The following SGMS2 variants were observed in gnomAD, a reference collection of about 807,000 sequenced individuals.
SGMS2 encodes the protein sphingomyelin synthase 2.
In SGMS2, 21 loss-of-function variants were observed where a neutral mutation model predicts 43.8. The ratio of observed to expected loss-of-function variants is 0.48; its 90% confidence interval spans 0.34 to 0.69. The LOEUF is 0.69. Ranked by LOEUF, SGMS2 falls within the 30% of genes least tolerant of loss-of-function variation. The pLI is 0.01. For synonymous variants in SGMS2, 167 were observed against 160.6 expected, an observed-to-expected ratio of 1.04 and a Z score of -0.30; for missense variants, 384 against 443.2, an observed-to-expected ratio of 0.87 and a Z score of 1.20.
chr4:107,873,864 T>C (rs138159800), intron 2 of SGMS2: 1 of 152,262 alleles, frequency 6.6e-6, no homozygotes, highest in Non-Finnish European at 1.5e-5. Context: ...AGTTTTACTT[T>C]TACAGAACAT....
rs1223602636 is a variant in SGMS2 at position 107,903,357 on chromosome 4, T to C, written c.698T>C (p.Leu233Pro). 6.2e-7 allele frequency: 1 copy of C among 1,614,004 alleles called. No individual in the cohort carries two copies. The highest frequency in any genetic ancestry group is 1.7e-5 in the Admixed American group (1 of 59,992). The change falls in exon 5 of 7, where the codon CTG (leucine) becomes CCG (proline). Residue 233 changes from leucine to proline, a missense_variant. By Grantham distance (98) the Leu-to-Pro change is moderately conservative. Coordinates refer to ENST00000690982, the MANE Select transcript of SGMS2 (RefSeq NM_001375905.1). The part of the protein sequence containing the change: ...DFLFSGHTVT[L>P]TLTYLFIKEY... ...CTCTTCAGCGGTCACACGGTTACGC[T>C]GACACTGACTTATTTGTTCATCAAA...
chr4:107,837,523 G>T (rs2125993369), intron 1 of SGMS2, among the ~76,000 whole-genome samples: 1 of 152,294 alleles, frequency 6.6e-6, no homozygotes, highest in East Asian at 1.9e-4. Flanking sequence ...AGAGATGGGT[G>T]TGGCGAGGCA....
chr4:107,852,732 G>C (rs1208818411), intron 1 of SGMS2, among the ~76,000 whole-genome samples: 1 of 145,034 alleles, frequency 6.9e-6, no homozygotes, highest in Admixed American at 7.2e-5. Context: ...CTTATTATTG[G>C]ACACTTGTTT....
intron 2 of SGMS2, among the ~76,000 whole-genome samples, chr4:107,877,334 A>C (rs1282204534): frequency 1.3e-5 from 2 of 152,160 alleles, no homozygotes. Flanking sequence ...AACACCTCTC[A>C]CTTCAATAGG....
Position 107,895,658 on chromosome 4 carries a change from C to G in SGMS2, c.105C>G (p.Asn35Lys). 1 of 1,613,914 alleles carries G rather than the reference C, an allele frequency of 6.2e-7. No individual in the cohort carries two copies. The highest frequency in any genetic ancestry group is 8.5e-7 in the Non-Finnish European group (1 of 1,179,916). The change falls in exon 3 of 7, where the codon AAC becomes AAG. Residue 35 changes from asparagine to lysine, a missense_variant. Asn to Lys is a moderately conservative substitution (Grantham distance 94, BLOSUM62 0). Transcript: ENST00000690982. ...ARPAEPVEEE[N>K]KNGNGKPKSL... is the part of the protein sequence containing the mutation. ...CCGCTGAACCTGTTGAAGAAGAAAA[C>G]AAAAATGGCAATGGTAAACCCAAGA...
At chr4:107,835,941 C>T (rs116252621) in intron 1 of SGMS2, among the ~76,000 whole-genome samples, 4,321 of 152,198 alleles carry the variant, frequency 0.028, 119 homozygotes, top group Non-Finnish European at 0.04. Context: ...ATAACATGAG[C>T]CATACATGAT....
chr4:107,895,917 G>A lies in SGMS2; in HGVS notation c.364G>A (p.Asp122Asn), dbSNP rs1239924860. The change falls in exon 3 of 7, where the codon GAT becomes AAT. Residue 122 changes from aspartate (D) to asparagine (N), a missense_variant. Transcript: ENST00000690982. ...CCCAGACAAGTTTTTTGATTACATT[G>A]ATAGGGTGAAATGGGCATTTTCTGT... ...PLPDKFFDYI[D>N]RVKWAFSVSE... is the part of the protein sequence containing the mutation. 1.2e-6 allele frequency: 2 copies of A among 1,613,964 alleles called. No individual in the cohort carries two copies.
At chr4:107,858,125 T>C (rs541159521) in intron 1 of SGMS2, among the ~76,000 whole-genome samples, 1 of 152,310 alleles carries the variant, frequency 6.6e-6, no homozygotes, top group East Asian at 1.9e-4. Flanking sequence ...ACTGACTTTT[T>C]TGAGTGACAT....
chr4:107,910,259 C>G, intron 6 of SGMS2, 91 bp from the exon 7 acceptor site: 1 of 1,086,116 alleles, frequency 9.2e-7, no homozygotes, highest in Non-Finnish European at 1.4e-6. Context: ...TCTGTTTTCC[C>G]TAGGTTACAG....
At chr4:107,882,342 T>C (rs1037877504) in intron 2 of SGMS2, among the ~76,000 whole-genome samples, 1 of 152,244 alleles carries the variant, frequency 6.6e-6, no homozygotes, top group Admixed American at 6.5e-5. Context: ...AGTTTTGATT[T>C]GTATTTCTGT....
At chr4:107,882,825 A>C (rs1729464155) in intron 2 of SGMS2, among the ~76,000 whole-genome samples, 1 of 152,204 alleles carries the variant, frequency 6.6e-6, no homozygotes, top group African/African-American at 2.4e-5. Context: ...ATTCAATTCA[A>C]TAAAATTCTG....
At chr4:107,890,971 C>G (rs1247969038) in intron 2 of SGMS2, among the ~76,000 whole-genome samples, 2 of 152,142 alleles carry the variant, frequency 1.3e-5, no homozygotes, top group East Asian at 3.9e-4. Flanking sequence ...AGGCAGAACC[C>G]TAGCTATTGA....
intron 2 of SGMS2, chr4:107,867,303 T>C (rs905973793): frequency 6.6e-6 from 1 of 152,110 alleles, no homozygotes; most frequent in Non-Finnish European, 1.5e-5. Context: ...ATTGGAGGAG[T>C]TACCGACCCA....
chr4:107,876,445 C>T (rs1728916192), intron 2 of SGMS2, among the ~76,000 whole-genome samples: 1 of 152,190 alleles, frequency 6.6e-6, no homozygotes, highest in South Asian at 2.1e-4. Flanking sequence ...TTAAAGGTAA[C>T]TTTGCTTAAA....
intron 2 of SGMS2, among the ~76,000 whole-genome samples, chr4:107,871,273 G>T (rs181006057): frequency 5.3e-5 from 8 of 152,132 alleles, no homozygotes; most frequent in African/African-American, 1.9e-4. Context: ...TACCCTAGAC[G>T]TTTTAAAAAT....
At chr4:107,908,049 G>C (rs189408741) in intron 5 of SGMS2, 5 of 152,990 alleles carry the variant, frequency 3.3e-5, no homozygotes, top group African/African-American at 9.6e-5. Context: ...TCAAAATATT[G>C]CTAGCCACAA....
chr4:107,845,047 C>T (rs999164922), intron 1 of SGMS2, among the ~76,000 whole-genome samples: 1 of 152,114 alleles, frequency 6.6e-6, no homozygotes, highest in Non-Finnish European at 1.5e-5. Flanking sequence ...AAGCCAGAGC[C>T]CATACATGCA....
intron 1 of SGMS2, among the ~76,000 whole-genome samples, chr4:107,851,186 G>T (rs111650790): frequency 1.3e-5 from 2 of 152,136 alleles, no homozygotes; most frequent in African/African-American, 4.8e-5. Context: ...AAGCCTGCAG[G>T]GTGTGGAAGT....
upstream of SGMS2, chr4:107,824,698 TTTC>T (rs1725466070): frequency 1.3e-5 from 2 of 152,170 alleles, no homozygotes; most frequent in African/African-American, 2.4e-5. Flanking sequence ...CGGCTGGGAT[TTTC>T]TTCTTAAGAA....
Sources: allele counts gnomAD v4.1 joint callset (sites outside exome capture counted in the v4.1 genomes callset), GRCh38; gene constraint gnomAD v4.1.1; transcripts MANE v1.5; gene names NCBI Gene and HGNC (gene_info 2026-07-23, HGNC 2026-07-21).